The following GKAP1 variants were observed in gnomAD, a reference collection of about 807,000 sequenced individuals.
GKAP1 encodes G kinase anchoring protein 1, also known as G kinase-anchoring protein 1.
A neutral mutation model predicts 56.7 loss-of-function variants in GKAP1; 31 were observed. That is an observed-to-expected ratio of 0.55 (90% CI 0.41 to 0.74). The LOEUF (loss-of-function observed/expected upper bound fraction) is 0.74, where lower values mean the gene tolerates loss of function less well. GKAP1 is among the 30% of genes least tolerant of loss of function. The pLI, the probability that GKAP1 is intolerant of heterozygous loss-of-function variation, is 0.00. For synonymous variants in GKAP1, 151 were observed against 138.6 expected (o/e 1.09, Z -0.63); for missense variants, 364 against 402.3 (o/e 0.90, Z 0.82).
chr9:83,806,216 T>C, intron 3 of GKAP1, 86 bp downstream of exon 3: 3 of 814,154 alleles, frequency 3.7e-6, no homozygotes, highest in Non-Finnish European at 2.0e-6. Flanking sequence ...ACAGGTACTA[T>C]GGATACACAG....
Position 83,780,245 on chromosome 9 carries a change from T to C in GKAP1, c.585+137A>G, listed in dbSNP as rs1320600840. 7 of 544,480 alleles carry C rather than the reference T, an allele frequency of 1.3e-5. No homozygotes were observed. The Admixed American group carries it at 2.4e-4, about 19-fold the overall frequency. The allele number at this position is 544,480 out of a possible 1,614,324, so 33.7% of individuals were successfully genotyped here. Reference sequence around the variant, plus strand: ...ACATCCTTATATAATGGCAGAAACATGACTGGGTTCACTCAAGACAAACCT... The same window carrying C: ...ACATCCTTATATAATGGCAGAAACACGACTGGGTTCACTCAAGACAAACCT... On this transcript the variant is annotated intron_variant, in intron 7 of 12. Transcript: ENST00000376371.
intron 2 of GKAP1, among the ~76,000 whole-genome samples, chr9:83,807,613 C>G (rs1031469512): frequency 2.2e-4 from 34 of 152,320 alleles, no homozygotes; most frequent in African/African-American, 8.2e-4. Context: ...CCCCACTGCA[C>G]CAGCCAGAGA....
intron 7 of GKAP1, among the ~76,000 whole-genome samples, chr9:83,769,709 G>A (rs930858378): frequency 6.6e-6 from 1 of 152,180 alleles, no homozygotes; most frequent in Non-Finnish European, 1.5e-5. Flanking sequence ...TTGTGTGGAC[G>A]TATTTTCAAT....
chr9:83,780,692 C>T (rs1564202480), intron 6 of GKAP1, among the ~76,000 whole-genome samples: 1 of 152,078 alleles, frequency 6.6e-6, no homozygotes, highest in Non-Finnish European at 1.5e-5. Flanking sequence ...ATGAGTTCCA[C>T]ATAATCTAGT....
intron 7 of GKAP1, among the ~76,000 whole-genome samples, chr9:83,779,577 ATATATACACG>A: frequency 1.1e-5 from 1 of 94,486 alleles, no homozygotes; most frequent in African/African-American, 6.8e-5. Flanking sequence ...ATACACACAT[ATATATACACG>A]TATATGTGTA....
In GKAP1 at chr9:83,784,715, C is replaced by G; in HGVS notation, c.562G>C (p.Asp188His). ...CATAATAGCATTGTATATACATTAC[C>G]TTCCGAATGAAAATCTTTTAGTGAT... ...TVSLKDFHSE[D>H]HISKKTEELS... Residue 188 changes from aspartate to histidine, a missense_variant and splice_region_variant, in exon 6 of 13, where the codon GAT becomes CAT. Asp to His is a moderately conservative substitution (Grantham distance 81). Transcript: ENST00000376371. The G allele has an allele frequency of 6.3e-7, 1 of 1,582,202 alleles. No homozygotes were observed. Among genetic ancestry groups the G allele is most frequent in the Non-Finnish European group, 8.6e-7 (1 of 1,163,734 alleles).
intron 5 of GKAP1, 33 bp from the exon 6 acceptor site, chr9:83,784,871 G>A: frequency 6.9e-7 from 1 of 1,452,840 alleles, no homozygotes. Context: ...ATTAAGTTCA[G>A]TTTACAAACT....
At chr9:83,741,358 TCTCA>T (rs200185900) in intron 12 of GKAP1, among the ~76,000 whole-genome samples, 25,412 of 147,614 alleles carry the variant, frequency 0.17, 2,397 homozygotes, top group Non-Finnish European at 0.22. Flanking sequence ...TAAATATATC[TCTCA>T]CACACACACA....
intron 5 of GKAP1, among the ~76,000 whole-genome samples, chr9:83,787,403 A>AT (rs200988309): frequency 0.019 from 1,965 of 102,920 alleles, 39 homozygotes; most frequent in African/African-American, 0.055. Flanking sequence ...TGCCCAGCTA[A>AT]TTAAAAAAAA....
At chr9:83,803,309 G>A (rs1944364609) in intron 3 of GKAP1, among the ~76,000 whole-genome samples, 1 of 150,254 alleles carries the variant, frequency 6.7e-6, no homozygotes, top group South Asian at 2.1e-4. Context: ...CCGAGCCGAA[G>A]CTGGACTGTA....
At chr9:83,753,664 TAAAAATTC>T in intron 8 of GKAP1, among the ~76,000 whole-genome samples, 1 of 152,230 alleles carries the variant, frequency 6.6e-6, no homozygotes, top group South Asian at 2.1e-4. Flanking sequence ...TAGTCTATCT[TAAAAATTC>T]AAAAATTCAA....
intron 4 of GKAP1, among the ~76,000 whole-genome samples, chr9:83,796,747 G>T (rs1944254790): frequency 6.6e-6 from 1 of 152,056 alleles, no homozygotes; most frequent in Admixed American, 6.6e-5. Flanking sequence ...GATTACAGGT[G>T]TGAGCCACCG....
intron 7 of GKAP1, 119 bp from the exon 8 acceptor site, chr9:83,769,089 T>TA (rs971817236): frequency 2.6e-5 from 17 of 659,444 alleles, no homozygotes; most frequent in Non-Finnish European, 3.7e-5. Flanking sequence ...ACTAGAAGGA[T>TA]AAAAAAAGAA....
chr9:83,768,681 C>T lies in GKAP1; in HGVS notation c.738+137G>A, dbSNP rs768749767. 4.1e-5 allele frequency: 29 copies of T among 709,516 alleles called. No homozygotes were observed. The Admixed American group carries it at 4.9e-4, about 12-fold the overall frequency. 44.0% of individuals were successfully genotyped at this position (709,516 alleles called of 1,614,324 possible). On this transcript the variant is annotated intron_variant, in intron 8 of 12. Transcript: ENST00000376371. ...ATACTTTTTAATATAAATACCTTTG[C>T]GTGATAATTACTAAGATCATATCCT... is the stretch of plus-strand genomic sequence containing the variant.
At chr9:83,800,805 G>T (rs1198424964) in intron 3 of GKAP1, among the ~76,000 whole-genome samples, 1 of 152,160 alleles carries the variant, frequency 6.6e-6, no homozygotes, top group Non-Finnish European at 1.5e-5. Flanking sequence ...AGGCAAAGGT[G>T]GAGCTGTAAC....
chr9:83,760,671 T>C (rs1943554822), intron 8 of GKAP1, among the ~76,000 whole-genome samples: 1 of 152,178 alleles, frequency 6.6e-6, no homozygotes, highest in African/African-American at 2.4e-5. Flanking sequence ...AAGCATCTTT[T>C]CTGACCACAA....
At chr9:83,779,483 A>ACG (rs2131284440) in intron 7 of GKAP1, among the ~76,000 whole-genome samples, 3 of 138,974 alleles carry the variant, frequency 2.2e-5, no homozygotes, top group South Asian at 2.3e-4. Context: ...ACATATACAT[A>ACG]CATATATACA....
chr9:83,777,878 A>G lies in GKAP1; in HGVS notation c.585+2504T>C, dbSNP rs1587715471. On this transcript the variant is annotated intron_variant, in intron 7 of 12. Coordinates refer to ENST00000376371, the MANE Select transcript of GKAP1 (RefSeq NM_025211.4). ...GCTTTTTTGGATTCTCTGTGGAAAA[A>G]AAGATCTTCTAAATTTCTAGATCAA... 6.6e-5 allele frequency among the ~76,000 whole-genome samples: 10 copies of G among 152,354 alleles called. 4 individuals carry two copies. The highest frequency in any genetic ancestry group is 6.5e-4 in the Admixed American group (10 of 15,296).
At chr9:83,790,928 G>T (rs1236261713) in intron 4 of GKAP1, among the ~76,000 whole-genome samples, 2 of 151,950 alleles carry the variant, frequency 1.3e-5, no homozygotes, top group African/African-American at 2.4e-5. Flanking sequence ...TTATAGAAAG[G>T]GCATTTGAGA....
Sources: gnomAD v4.1 joint callset for allele counts (sites outside exome capture counted in the v4.1 genomes callset) on GRCh38, gnomAD v4.1.1 for gene constraint, MANE v1.5 for transcripts, NCBI Gene and HGNC (gene_info 2026-07-23, HGNC 2026-07-21) for gene names.